The following FAM114A2 variants were observed in gnomAD, a reference collection of about 807,000 sequenced individuals.
The protein encoded by FAM114A2 is family with sequence similarity 114 member A2.
Under a neutral mutation model 58.4 loss-of-function variants are expected in FAM114A2, and 53 were observed. That is an observed-to-expected ratio of 0.91 (90% CI 0.73 to 1.14). The LOEUF is 1.14. Ranked by LOEUF, FAM114A2 falls within the 50% of genes most tolerant of loss-of-function variation. The probability of loss-of-function intolerance (pLI) is 0.00; values close to 1 mark genes in which losing one functional copy is unlikely to be tolerated. For synonymous variants in FAM114A2, 228 were observed against 211.4 expected (o/e 1.08, Z -0.68); for missense variants, 601 against 581.1 (o/e 1.03, Z -0.35).
In FAM114A2 at chr5:153,992,938, T is replaced by C. The variant is rs748354543; in HGVS notation, c.*38A>G. 9.4e-6 allele frequency: 15 copies of C among 1,592,780 alleles called. No homozygotes were observed. The South Asian group carries it at 1.7e-4, about 18-fold the overall frequency. On this transcript the variant is annotated 3_prime_UTR_variant, in exon 14 of 14. Coordinates refer to ENST00000351797, the MANE Select transcript of FAM114A2 (RefSeq NM_018691.4). ...GTAGCCAGAATAAGGTGGCATTCCTTGGCCGTCACAAGTCCCAGGTCAAAA... is the reference window on the plus strand; with the variant it reads ...GTAGCCAGAATAAGGTGGCATTCCTCGGCCGTCACAAGTCCCAGGTCAAAA...
At chr5:154,028,003 C>T in intron 6 of FAM114A2, 146 bp downstream of exon 6, 1 of 621,848 alleles carries the variant, frequency 1.6e-6, no homozygotes, top group Non-Finnish European at 2.8e-6. Context: ...GAGCTCTCAC[C>T]CATCCCTGAT....
chr5:154,019,147 G>C (rs929045702), intron 8 of FAM114A2, among the ~76,000 whole-genome samples: 1 of 151,898 alleles, frequency 6.6e-6, no homozygotes, highest in African/African-American at 2.4e-5. Context: ...TGTTTACCTA[G>C]AAAACTCTGA....
intron 9 of FAM114A2, among the ~76,000 whole-genome samples, chr5:154,008,963 G>C (rs538870834): frequency 6.6e-6 from 1 of 152,320 alleles, no homozygotes; most frequent in East Asian, 1.9e-4. Flanking sequence ...TATACTGTGT[G>C]TGAAGTCATG....
chr5:153,994,670 CT>C, intron 13 of FAM114A2: 1 of 364,382 alleles, frequency 2.7e-6, no homozygotes, highest in Non-Finnish European at 5.1e-6. Flanking sequence ...GTCCATTAAG[CT>C]GTCAAGGATT....
At chr5:154,026,601 A>G in intron 7 of FAM114A2, 79 bp from the exon 8 acceptor site, 1 of 1,031,296 alleles carries the variant, frequency 9.7e-7, no homozygotes. Context: ...GAGACTATAA[A>G]AAGATCATAT....
intron 9 of FAM114A2, among the ~76,000 whole-genome samples, chr5:154,005,112 T>C (rs1488317877): frequency 1.3e-5 from 2 of 152,238 alleles, no homozygotes; most frequent in Non-Finnish European, 2.9e-5. Flanking sequence ...AACTAAACTA[T>C]GTATTATAGG....
intron 8 of FAM114A2, among the ~76,000 whole-genome samples, chr5:154,015,155 G>A (rs1334610203): frequency 6.6e-6 from 1 of 152,098 alleles, no homozygotes; most frequent in Non-Finnish European, 1.5e-5. Context: ...CCTCAAGAGA[G>A]TCTGAGCTCA....
intron 9 of FAM114A2, among the ~76,000 whole-genome samples, chr5:154,007,267 A>C (rs959808018): frequency 6.6e-6 from 1 of 152,186 alleles, no homozygotes; most frequent in African/African-American, 2.4e-5. Context: ...CCACTTGTTG[A>C]GATCTGCAGA....
chr5:154,007,155 T>C (rs555276274), intron 9 of FAM114A2, among the ~76,000 whole-genome samples: 10 of 152,278 alleles, frequency 6.6e-5, no homozygotes, highest in African/African-American at 2.4e-4. Flanking sequence ...ATAAATATAT[T>C]AAGTGAAATC....
At chr5:154,012,178 T>C (rs368373621) in intron 8 of FAM114A2, among the ~76,000 whole-genome samples, 4 of 152,096 alleles carry the variant, frequency 2.6e-5, no homozygotes, top group East Asian at 1.9e-4. Flanking sequence ...TCCATAATAA[T>C]TAAAAATAAA....
rs1398540402 is a variant in FAM114A2, at chr5:153,990,848, CAAATA to C, written c.*2123_*2127del. On this transcript the variant is annotated 3_prime_UTR_variant, in exon 14 of 14. Transcript: ENST00000351797. ...AAAAACTAAAACACTGTAACTACCC[CAAATA>C]AAATAATGAAGCACATACTATCCAA... 6.6e-6 allele frequency: 1 copy of C among 152,134 alleles called. No homozygotes were observed. Among genetic ancestry groups the C allele is most frequent in the East Asian group, 1.9e-4 (1 of 5,186 alleles). The allele number at this position is 152,134 out of a possible 1,614,324, so 9.4% of individuals were successfully genotyped here.
chr5:154,003,911 T>C (rs114940988), intron 9 of FAM114A2, among the ~76,000 whole-genome samples: 1,794 of 152,330 alleles, frequency 0.012, 43 homozygotes, highest in African/African-American at 0.04. Context: ...GCAGACCACA[T>C]ATATAATGGT....
intron 4 of FAM114A2, among the ~76,000 whole-genome samples, chr5:154,030,027 T>A (rs1290697257): frequency 6.6e-6 from 1 of 152,210 alleles, no homozygotes. Context: ...TATATCTGTA[T>A]TGATCATTCT....
intron 9 of FAM114A2, among the ~76,000 whole-genome samples, chr5:154,004,914 T>C (rs1770252989): frequency 6.6e-6 from 1 of 152,176 alleles, no homozygotes; most frequent in South Asian, 2.1e-4. Flanking sequence ...CTTTACATGA[T>C]GTAACAGGTC....
At chr5:154,020,430 C>A (rs1771333888) in intron 8 of FAM114A2, among the ~76,000 whole-genome samples, 1 of 152,018 alleles carries the variant, frequency 6.6e-6, no homozygotes, top group Non-Finnish European at 1.5e-5. Flanking sequence ...AGAGAAGAAT[C>A]AAATAGATGC....
chr5:153,998,846 G>A (rs28810482), intron 11 of FAM114A2, among the ~76,000 whole-genome samples: 5,592 of 152,282 alleles, frequency 0.037, 263 homozygotes, highest in African/African-American at 0.1. Context: ...AAGCCCAAGA[G>A]TTGTGATGCT....
chr5:153,995,314 C>T (rs1225031960), intron 12 of FAM114A2: 1 of 183,338 alleles, frequency 5.5e-6, no homozygotes, highest in Admixed American at 5.8e-5. Flanking sequence ...GGGTCTTTAA[C>T]ACAAGCTGTT....
chr5:154,009,798 T>C (rs1038571752), intron 9 of FAM114A2, among the ~76,000 whole-genome samples: 1 of 151,862 alleles, frequency 6.6e-6, no homozygotes, highest in Non-Finnish European at 1.5e-5. Flanking sequence ...ACCAACGTCA[T>C]AAAAGACAAA....
At chr5:153,997,698 CT>C (rs1769670122) in intron 12 of FAM114A2, 104 bp downstream of exon 12, 1 of 716,954 alleles carries the variant, frequency 1.4e-6, no homozygotes, top group African/African-American at 1.8e-5. Flanking sequence ...ATACTAAAAA[CT>C]AAAAACTATT....
Sources: allele counts gnomAD v4.1 joint callset (sites outside exome capture counted in the v4.1 genomes callset), GRCh38; gene constraint gnomAD v4.1.1; transcripts MANE v1.5; gene names NCBI Gene and HGNC (gene_info 2026-07-23, HGNC 2026-07-21).